The following ADAMTS3 variants were observed in gnomAD, a reference collection of about 807,000 sequenced individuals.
The protein encoded by ADAMTS3 is A disintegrin and metalloproteinase with thrombospondin motifs 3.
In ADAMTS3, 73 loss-of-function variants were observed where a neutral mutation model predicts 129.0. The ratio of observed to expected loss-of-function variants is 0.57; its 90% confidence interval spans 0.47 to 0.69. The LOEUF (loss-of-function observed/expected upper bound fraction) is 0.69. Among genes scored for constraint, ADAMTS3 ranks in the 30% least tolerant of loss-of-function variants. The pLI is 0.00. For missense variants in ADAMTS3, 1,457 were observed against 1,514.5 expected, an observed-to-expected ratio of 0.96 and a Z score of 0.63; for synonymous variants, 477 against 510.8, an observed-to-expected ratio of 0.93 and a Z score of 0.89.
At chr4:72,490,813 A>G (rs1047753168) in intron 3 of ADAMTS3, among the ~76,000 whole-genome samples, 13 of 151,852 alleles carry the variant, frequency 8.6e-5, no homozygotes, top group African/African-American at 2.7e-4. Context: ...TTGGCTACTC[A>G]GGGTCTTTTG....
At chr4:72,481,760 A>G (rs900867436) in intron 3 of ADAMTS3, among the ~76,000 whole-genome samples, 10 of 152,248 alleles carry the variant, frequency 6.6e-5, no homozygotes, top group African/African-American at 2.4e-4. Flanking sequence ...GTGGTAGAAA[A>G]TATTTGCAAA....
intron 3 of ADAMTS3, among the ~76,000 whole-genome samples, chr4:72,498,644 C>T (rs1352289828): frequency 6.6e-6 from 1 of 151,868 alleles, no homozygotes. Flanking sequence ...CACTCTCTCT[C>T]TCTTTCTCAC....
intron 10 of ADAMTS3, among the ~76,000 whole-genome samples, chr4:72,318,334 A>C (rs1357083922): frequency 6.6e-6 from 1 of 152,306 alleles, no homozygotes; most frequent in Non-Finnish European, 1.5e-5. Context: ...TTAATCTCTA[A>C]GTCTTGGCTT....
At chr4:72,528,708 C>G (rs1325852134) in intron 3 of ADAMTS3, among the ~76,000 whole-genome samples, 2 of 152,008 alleles carry the variant, frequency 1.3e-5, no homozygotes, top group Admixed American at 6.6e-5. Flanking sequence ...GTAACACTCT[C>G]TTTATTTTAT....
intron 3 of ADAMTS3, among the ~76,000 whole-genome samples, chr4:72,545,616 AC>A (rs1285593610): frequency 6.6e-6 from 1 of 152,148 alleles, no homozygotes; most frequent in African/African-American, 2.4e-5. Flanking sequence ...TGGAGGTGAA[AC>A]ATTGCTTCGG....
chr4:72,514,494 T>C (rs1460109335), intron 3 of ADAMTS3, among the ~76,000 whole-genome samples: 2 of 152,164 alleles, frequency 1.3e-5, no homozygotes, highest in Non-Finnish European at 2.9e-5. Flanking sequence ...TGGCTCTTCT[T>C]TTCTGAGGAA....
intron 4 of ADAMTS3, among the ~76,000 whole-genome samples, chr4:72,370,970 T>C (rs1306173186): frequency 6.6e-6 from 1 of 152,144 alleles, no homozygotes; most frequent in African/African-American, 2.4e-5. Flanking sequence ...CCTAATTCAG[T>C]GAATGATGTC....
chr4:72,542,646 T>C (rs1164621026), intron 3 of ADAMTS3, among the ~76,000 whole-genome samples: 1 of 152,192 alleles, frequency 6.6e-6, no homozygotes, highest in Non-Finnish European at 1.5e-5. Flanking sequence ...TATAAATAAA[T>C]GAGGAAAGAG....
intron 3 of ADAMTS3, among the ~76,000 whole-genome samples, chr4:72,498,191 T>G (rs1240302721): frequency 6.6e-6 from 1 of 152,048 alleles, no homozygotes; most frequent in Non-Finnish European, 1.5e-5. Context: ...TATTTATCAT[T>G]TTGCTCAAAA....
chr4:72,304,313 C>A (rs1472658319), intron 16 of ADAMTS3, among the ~76,000 whole-genome samples: 1 of 151,956 alleles, frequency 6.6e-6, no homozygotes, highest in East Asian at 1.9e-4. Context: ...GTTAAATAGG[C>A]AAAAATAATG....
At chr4:72,380,387 C>T (rs1383119515) in intron 4 of ADAMTS3, among the ~76,000 whole-genome samples, 1 of 152,014 alleles carries the variant, frequency 6.6e-6, no homozygotes, top group Non-Finnish European at 1.5e-5. Flanking sequence ...GTCACTTCTC[C>T]ATTTAACACT....
At chr4:72,330,756 T>C (rs1719824123) in intron 5 of ADAMTS3, 1 of 152,198 alleles carries the variant, frequency 6.6e-6, no homozygotes, top group Admixed American at 6.5e-5. Context: ...TCCTTTTATG[T>C]GAATTATGTC....
chr4:72,549,720 T>C (rs1721559592), intron 2 of ADAMTS3, among the ~76,000 whole-genome samples: 2 of 151,852 alleles, frequency 1.3e-5, no homozygotes, highest in South Asian at 4.1e-4. Flanking sequence ...TATTAGAATA[T>C]GAAAGAGTAT....
At chr4:72,356,370 TA>T (rs1720582180) in intron 4 of ADAMTS3, among the ~76,000 whole-genome samples, 1 of 151,920 alleles carries the variant, frequency 6.6e-6, no homozygotes, top group Admixed American at 6.6e-5. Context: ...CACACACTAT[TA>T]TATGATATTC....
chr4:72,409,583 C>T (rs1463477695), intron 4 of ADAMTS3, among the ~76,000 whole-genome samples: 2 of 152,088 alleles, frequency 1.3e-5, no homozygotes, highest in Non-Finnish European at 2.9e-5. Flanking sequence ...TATAGAGTTA[C>T]ATTTGTAACA....
intron 4 of ADAMTS3, among the ~76,000 whole-genome samples, chr4:72,363,257 CT>C (rs1295103091): frequency 6.6e-6 from 1 of 152,016 alleles, no homozygotes; most frequent in Non-Finnish European, 1.5e-5. Context: ...AAACATAACA[CT>C]TGGTAAAATT....
At chr4:72,516,422 T>A (rs1045664076) in intron 3 of ADAMTS3, among the ~76,000 whole-genome samples, 1 of 152,178 alleles carries the variant, frequency 6.6e-6, no homozygotes. Context: ...TAAATTACCT[T>A]GGGCAGTATG....
At chr4:72,453,715 T>A (rs964705667) in intron 3 of ADAMTS3, among the ~76,000 whole-genome samples, 2 of 151,520 alleles carry the variant, frequency 1.3e-5, no homozygotes, top group Admixed American at 1.3e-4. Flanking sequence ...TACTTGTTAA[T>A]TTTTTTCTGT....
intron 4 of ADAMTS3, among the ~76,000 whole-genome samples, chr4:72,410,675 A>G (rs1369369930): frequency 6.6e-6 from 1 of 152,114 alleles, no homozygotes; most frequent in Non-Finnish European, 1.5e-5. Flanking sequence ...GCAGGGGTAT[A>G]TTTTTTTACA....
Sources: allele counts gnomAD v4.1 joint callset (sites outside exome capture counted in the v4.1 genomes callset), GRCh38; gene constraint gnomAD v4.1.1; transcripts MANE v1.5; gene names NCBI Gene and HGNC (gene_info 2026-07-23, HGNC 2026-07-21).